CUL3: variants seen among roughly 807,000 people sequenced by gnomAD.
CUL3 encodes cullin-3.
Under a neutral mutation model 89.1 loss-of-function variants are expected in CUL3, and 19 were observed. That is an observed-to-expected ratio of 0.21 (90% CI 0.15 to 0.31). The LOEUF is 0.31. Among genes scored for constraint, CUL3 ranks in the 10% least tolerant of loss-of-function variants. The pLI, the probability that CUL3 is intolerant of heterozygous loss-of-function variation, is 1.00. For missense variants in CUL3, 469 were observed against 942.3 expected, an observed-to-expected ratio of 0.50 and a Z score of 6.58; for synonymous variants, 351 against 308.4, an observed-to-expected ratio of 1.14 and a Z score of -1.45.
Position 224,511,588 on chromosome 2 carries a change from A to G in CUL3, c.655-6T>C, listed in dbSNP as rs757433771. 12 of 1,444,266 alleles carry G rather than the reference A, an allele frequency of 8.3e-6. No homozygotes were observed. Among genetic ancestry groups the G allele is most frequent in the Non-Finnish European group, 1.0e-5 (11 of 1,055,124 alleles). 89.5% of individuals were successfully genotyped at this position (1,444,266 alleles called of 1,614,324 possible). A position where few individuals can be genotyped will look rare whatever the true frequency, so the allele number is the denominator to read the frequency against. ...AAAAATTTCTGGCTTTCCATCTGCC[A>G]TTTAAAAATATATATATTTTTTAAA... is the stretch of plus-strand genomic sequence containing the variant. On this transcript the variant is annotated splice_region_variant and splice_polypyrimidine_tract_variant and intron_variant, in intron 5 of 15. Transcript: ENST00000264414.
chr2:224,481,040 T>G (rs917656788), intron 14 of CUL3, among the ~76,000 whole-genome samples: 1 of 152,142 alleles, frequency 6.6e-6, no homozygotes, highest in African/African-American at 2.4e-5. Context: ...TATAAAGCTC[T>G]AGAATCCATG....
chr2:224,510,293 T>A (rs553147999), intron 6 of CUL3, among the ~76,000 whole-genome samples: 27 of 141,718 alleles, frequency 1.9e-4, no homozygotes, highest in African/African-American at 6.2e-4. Flanking sequence ...CTCTCTAGTT[T>A]TTTTTGTTTT....
At chr2:224,513,711 G>A in intron 4 of CUL3, 73 bp from the exon 5 acceptor site, 1 of 1,065,922 alleles carries the variant, frequency 9.4e-7, no homozygotes, top group Non-Finnish European at 1.4e-6. Context: ...ACAAAAAGGA[G>A]TAGGTAAAAA....
chr2:224,569,589 T>C, intron 1 of CUL3: 1 of 570,140 alleles, frequency 1.8e-6, no homozygotes, highest in Non-Finnish European at 2.2e-6. Flanking sequence ...TTGTTTTCTT[T>C]AAAGCAAAAT....
In CUL3 at chr2:224,565,439, G is replaced by A. The variant is rs180957196; in HGVS notation, c.67-7583C>T. ...GGTAGAAAGGGAGGCAGGAGAGGGA[G>A]CCATACTCTGTAACTTCACAAAAAC... is the stretch of plus-strand genomic sequence containing the variant. On this transcript the variant is annotated intron_variant, in intron 1 of 15. Coordinates refer to ENST00000264414, the MANE Select transcript of CUL3 (RefSeq NM_003590.5). Among the ~76,000 whole-genome samples, 3 of 152,224 alleles carry A rather than the reference G, an allele frequency of 2.0e-5. No homozygotes were observed. The East Asian group carries it at 5.8e-4, about 29-fold the overall frequency.
intron 1 of CUL3, among the ~76,000 whole-genome samples, chr2:224,564,638 G>A (rs1694995785): frequency 6.6e-6 from 1 of 152,286 alleles, no homozygotes; most frequent in South Asian, 2.1e-4. Flanking sequence ...TCCACTGGGG[G>A]TCTTGGAATA....
intron 1 of CUL3, among the ~76,000 whole-genome samples, chr2:224,571,437 A>C (rs969379175): frequency 5.6e-4 from 85 of 152,194 alleles, no homozygotes; most frequent in African/African-American, 2.1e-3. Flanking sequence ...ATAAACTGTA[A>C]GACAATGACA....
At chr2:224,506,805 A>G in intron 7 of CUL3, 53 bp downstream of exon 7, 1 of 1,575,630 alleles carries the variant, frequency 6.3e-7, no homozygotes, top group East Asian at 2.2e-5. Flanking sequence ...CCTTTTTAGC[A>G]CTTGTCAAAA....
chr2:224,554,810 C>G (rs1166645794), intron 2 of CUL3, among the ~76,000 whole-genome samples: 3 of 152,160 alleles, frequency 2.0e-5, no homozygotes, highest in Non-Finnish European at 4.4e-5. Flanking sequence ...TTCCATTGTT[C>G]TTAATCCCAT....
intron 1 of CUL3, among the ~76,000 whole-genome samples, chr2:224,578,972 C>A (rs569891163): frequency 6.6e-6 from 1 of 152,130 alleles, no homozygotes; most frequent in Non-Finnish European, 1.5e-5. Flanking sequence ...ATGAAGCATT[C>A]TCTAATTTGT....
At chr2:224,540,808 C>G (rs941374542) in intron 2 of CUL3, among the ~76,000 whole-genome samples, 1 of 152,168 alleles carries the variant, frequency 6.6e-6, no homozygotes, top group Non-Finnish European at 1.5e-5. Context: ...GTTCCCTCCC[C>G]TCACCTCCCA....
At chr2:224,583,302 G>A (rs544443291) in intron 1 of CUL3, among the ~76,000 whole-genome samples, 4 of 152,224 alleles carry the variant, frequency 2.6e-5, no homozygotes, top group Admixed American at 6.5e-5. Context: ...CGGAGGTTGC[G>A]GTTAGCTGAG....
intron 3 of CUL3, among the ~76,000 whole-genome samples, chr2:224,518,419 G>A (rs1012621298): frequency 1.3e-5 from 2 of 152,144 alleles, no homozygotes; most frequent in Non-Finnish European, 2.9e-5. Context: ...TTACAAATAA[G>A]GTGGCTATAA....
chr2:224,528,913 G>A (rs1355683647), intron 3 of CUL3, among the ~76,000 whole-genome samples: 1 of 151,988 alleles, frequency 6.6e-6, no homozygotes, highest in Non-Finnish European at 1.5e-5. Flanking sequence ...GAAAATGACT[G>A]GAAATACAAA....
Position 224,579,160 on chromosome 2 carries a change from T to C in CUL3, c.66+5784A>G, listed in dbSNP as rs1695378157. Among the ~76,000 whole-genome samples the C allele has an allele frequency of 2.0e-5, 3 of 152,220 alleles. No homozygotes were observed. In the South Asian group the frequency reaches 6.2e-4, roughly 32 times the overall value. The stretch of plus-strand genomic sequence containing the variant: ...CTTTGTTAATAACAACCGTATGCTT[T>C]TATTTTTCTAACTTCTAAAGTCATA... On this transcript the variant is annotated intron_variant, in intron 1 of 15. Coordinates refer to ENST00000264414, the MANE Select transcript of CUL3 (RefSeq NM_003590.5).
chr2:224,475,901 G>T (rs1288901762), intron 15 of CUL3, among the ~76,000 whole-genome samples: 1 of 152,150 alleles, frequency 6.6e-6, no homozygotes, highest in African/African-American at 2.4e-5. Flanking sequence ...GAGTAAAGAT[G>T]TAGTTGTTAA....
Position 224,511,351 on chromosome 2 carries a change from T to C in CUL3, c.883+3A>G. On this transcript the variant is annotated splice_donor_region_variant and intron_variant, in intron 6 of 15. Transcript: ENST00000264414. ...TAATTATTTTTCAATCGGTAACACT[T>C]ACCTTCTGTCTTTCCATTTTTCAAC... 1.9e-6 allele frequency: 3 copies of C among 1,581,724 alleles called. No homozygotes were observed. Among genetic ancestry groups the C allele is most frequent in the Non-Finnish European group, 2.6e-6 (3 of 1,156,090 alleles).
chr2:224,577,971 AG>A (rs1163739783), intron 1 of CUL3, among the ~76,000 whole-genome samples: 1 of 152,052 alleles, frequency 6.6e-6, no homozygotes, highest in East Asian at 1.9e-4. Flanking sequence ...CAAATTATTT[AG>A]CCTCTCAAAG....
chr2:224,481,651 A>G (rs1224266631), intron 14 of CUL3, among the ~76,000 whole-genome samples: 1 of 152,134 alleles, frequency 6.6e-6, no homozygotes, highest in Non-Finnish European at 1.5e-5. Context: ...CTATTTATTG[A>G]AAAACATGAA....
Sources: allele counts gnomAD v4.1 joint callset (sites outside exome capture counted in the v4.1 genomes callset), GRCh38; gene constraint gnomAD v4.1.1; transcripts MANE v1.5; gene names NCBI Gene and HGNC (gene_info 2026-07-23, HGNC 2026-07-21).